Variants in ARSB observed in about 807,000 individuals in gnomAD.
ARSB encodes the protein arylsulfatase B.
Under a neutral mutation model 50.9 loss-of-function variants are expected in ARSB, and 41 were observed. That is an observed-to-expected ratio of 0.81 (90% CI 0.63 to 1.04). The LOEUF (loss-of-function observed/expected upper bound fraction) is 1.04, where lower values mean the gene tolerates loss of function less well. Ranked by LOEUF, ARSB falls within the 50% of genes least tolerant of loss-of-function variation. The probability of loss-of-function intolerance (pLI) is 0.00; values close to 1 mark genes in which losing one functional copy is unlikely to be tolerated. For missense variants in ARSB, 672 were observed against 693.3 expected, an observed-to-expected ratio of 0.97 and a Z score of 0.35; for synonymous variants, 269 against 284.8, an observed-to-expected ratio of 0.94 and a Z score of 0.56.
At position 78,984,865 on chromosome 5, in the gene ARSB, G is replaced by A. The variant is rs960675660; in HGVS notation, c.312+72C>T. The A allele has an allele frequency of 9.2e-6, 11 of 1,195,276 alleles. No homozygotes were observed. In the African/African-American group the frequency reaches 1.4e-4, roughly 16 times the overall value. The allele number at this position is 1,195,276 out of a possible 1,614,324, so 74.0% of individuals were successfully genotyped here. On this transcript the variant is annotated intron_variant, in intron 1 of 7. Transcript: ENST00000264914. ...CCTGCCAGCGCCCGCGGCCTCAAGG[G>A]CCGGGTAGGAGCGGCAGGGCGCCGG...
chr5:78,863,338 C>T lies in ARSB; in HGVS notation c.1142+22246G>A, dbSNP rs371934645. Among the ~76,000 whole-genome samples the T allele has an allele frequency of 1.2e-3, 176 of 152,152 alleles. 2 individuals carry two copies. The South Asian group carries it at 0.02, about 17-fold the overall frequency. Reference sequence around the variant, plus strand: ...TTTATTGCAGCACTATTCACAATAGCGAAGACTTGGAATCAACTCACATGT... The same window carrying T: ...TTTATTGCAGCACTATTCACAATAGTGAAGACTTGGAATCAACTCACATGT... On this transcript the variant is annotated intron_variant, in intron 5 of 7. Transcript: ENST00000264914.
chr5:78,808,509 T>C (rs1247509984), intron 6 of ARSB, among the ~76,000 whole-genome samples: 1 of 152,190 alleles, frequency 6.6e-6, no homozygotes, highest in Non-Finnish European at 1.5e-5. Flanking sequence ...GAGGCCTGCA[T>C]GACCTCCTGG....
intron 1 of ARSB, among the ~76,000 whole-genome samples, chr5:78,977,162 T>TC (rs1044853505): frequency 2.8e-5 from 4 of 141,394 alleles, no homozygotes; most frequent in African/African-American, 9.0e-5. Flanking sequence ...TTTCCCCACT[T>TC]CCCCCCCGCG....
intron 5 of ARSB, among the ~76,000 whole-genome samples, chr5:78,858,073 C>T (rs1746242509): frequency 6.6e-6 from 1 of 152,146 alleles, no homozygotes; most frequent in African/African-American, 2.4e-5. Context: ...GTTTGGAGCT[C>T]AGGCAGACTG....
At chr5:78,831,227 A>G (rs1215718789) in intron 6 of ARSB, among the ~76,000 whole-genome samples, 4 of 152,104 alleles carry the variant, frequency 2.6e-5, no homozygotes. Flanking sequence ...CCACAAGCTC[A>G]CAGGAAATAA....
At chr5:78,918,355 A>C (rs1749651898) in intron 4 of ARSB, among the ~76,000 whole-genome samples, 1 of 152,208 alleles carries the variant, frequency 6.6e-6, no homozygotes, top group Non-Finnish European at 1.5e-5. Context: ...AATTCAGTTC[A>C]TTGCAGACTG....
At chr5:78,806,736 T>C (rs1039171671) in intron 6 of ARSB, among the ~76,000 whole-genome samples, 1 of 152,224 alleles carries the variant, frequency 6.6e-6, no homozygotes. Context: ...ATCGTCTCCA[T>C]ACTCACGATT....
chr5:78,796,267 A>G (rs530058362), intron 6 of ARSB, among the ~76,000 whole-genome samples: 3 of 152,396 alleles, frequency 2.0e-5, no homozygotes, highest in African/African-American at 7.2e-5. Context: ...TGTGTTAGAC[A>G]CTAAATCTTC....
At chr5:78,847,564 T>A (rs912277341) in intron 5 of ARSB, among the ~76,000 whole-genome samples, 2 of 152,224 alleles carry the variant, frequency 1.3e-5, no homozygotes, top group African/African-American at 4.8e-5. Flanking sequence ...GGTATCAACA[T>A]AATGCTGGTC....
intron 6 of ARSB, among the ~76,000 whole-genome samples, chr5:78,804,505 C>T (rs547317806): frequency 6.6e-6 from 1 of 152,292 alleles, no homozygotes; most frequent in East Asian, 1.9e-4. Flanking sequence ...ACAATTCTAA[C>T]TTATCAAGCA....
At chr5:78,905,202 T>C (rs944569681) in intron 4 of ARSB, among the ~76,000 whole-genome samples, 1 of 152,250 alleles carries the variant, frequency 6.6e-6, no homozygotes, top group Non-Finnish European at 1.5e-5. Flanking sequence ...TTCAACTTTG[T>C]CTCATGGAGA....
intron 4 of ARSB, among the ~76,000 whole-genome samples, chr5:78,946,317 A>G (rs1214308084): frequency 3.3e-5 from 5 of 152,232 alleles, no homozygotes; most frequent in Non-Finnish European, 7.3e-5. Flanking sequence ...CCTTGTTTGC[A>G]GATGATACGA....
intron 4 of ARSB, among the ~76,000 whole-genome samples, chr5:78,942,118 C>T (rs1750962026): frequency 6.6e-6 from 1 of 152,136 alleles, no homozygotes; most frequent in Non-Finnish European, 1.5e-5. Flanking sequence ...TCTGTGGGAT[C>T]AGTGGTGATA....
At chr5:78,882,634 AAG>A (rs1747806102) in intron 5 of ARSB, among the ~76,000 whole-genome samples, 1 of 152,170 alleles carries the variant, frequency 6.6e-6, no homozygotes, top group African/African-American at 2.4e-5. Flanking sequence ...TGTTTGCAGT[AAG>A]TTTCTTGGAT....
intron 6 of ARSB, among the ~76,000 whole-genome samples, chr5:78,826,278 C>T (rs1179655967): frequency 1.3e-5 from 2 of 152,160 alleles, no homozygotes; most frequent in African/African-American, 4.8e-5. Flanking sequence ...AACCCCTGAC[C>T]TTGTGATCTG....
At chr5:78,801,242 A>G (rs1743383340) in intron 6 of ARSB, among the ~76,000 whole-genome samples, 1 of 152,182 alleles carries the variant, frequency 6.6e-6, no homozygotes. Context: ...TCTATACAAC[A>G]GCCAGGAATA....
At chr5:78,842,320 T>A (rs1015077103) in intron 5 of ARSB, among the ~76,000 whole-genome samples, 6 of 152,310 alleles carry the variant, frequency 3.9e-5, no homozygotes, top group African/African-American at 1.2e-4. Context: ...GCAAGCCTCA[T>A]AATTTTGCCT....
chr5:78,963,310 A>G (rs940342541), intron 3 of ARSB, among the ~76,000 whole-genome samples: 7 of 152,214 alleles, frequency 4.6e-5, no homozygotes, highest in Non-Finnish European at 1.0e-4. Flanking sequence ...CTGCAGCACC[A>G]CGAGCCAAAT....
chr5:78,814,680 T>A (rs920630392), intron 6 of ARSB, among the ~76,000 whole-genome samples: 2 of 150,850 alleles, frequency 1.3e-5, no homozygotes, highest in Non-Finnish European at 3.0e-5. Flanking sequence ...TTTATGTATG[T>A]CTACCTCCTG....
Sources: gnomAD v4.1 joint callset for allele counts (sites outside exome capture counted in the v4.1 genomes callset) on GRCh38, gnomAD v4.1.1 for gene constraint, MANE v1.5 for transcripts, NCBI Gene and HGNC (gene_info 2026-07-23, HGNC 2026-07-21) for gene names.